Variants in SLC22A23 observed in about 807,000 individuals in gnomAD.
SLC22A23 encodes ion transporter protein.
A neutral mutation model predicts 61.0 loss-of-function variants in SLC22A23; 26 were observed. The observed-to-expected ratio is 0.43, with a 90% CI of 0.31 to 0.59. The LOEUF (loss-of-function observed/expected upper bound fraction) is 0.59. SLC22A23 is among the 20% of genes least tolerant of loss of function. The probability of loss-of-function intolerance (pLI) is 0.11; values close to 1 mark genes in which losing one functional copy is unlikely to be tolerated. For missense variants in SLC22A23, 796 were observed against 934.7 expected (o/e 0.85, Z 1.94); for synonymous variants, 430 against 413.9 (o/e 1.04, Z -0.47).
At chr6:3,451,275 C>T (rs1309766492) in intron 1 of SLC22A23, among the ~76,000 whole-genome samples, 2 of 152,284 alleles carry the variant, frequency 1.3e-5, no homozygotes, top group Non-Finnish European at 2.9e-5. Context: ...TCGCTCACTG[C>T]AACCTCTCAC....
chr6:3,313,629 A>G (rs1362476781), intron 4 of SLC22A23: 1 of 152,212 alleles, frequency 6.6e-6, no homozygotes, highest in Non-Finnish European at 1.5e-5. Flanking sequence ...CTTTTGGAAT[A>G]AAACTGGTTT....
intron 3 of SLC22A23, among the ~76,000 whole-genome samples, chr6:3,359,314 G>A (rs1004114381): frequency 2.6e-5 from 4 of 152,224 alleles, no homozygotes; most frequent in African/African-American, 7.2e-5. Context: ...GTGTTGCCAC[G>A]TTTATTCTTC....
chr6:3,332,852 C>G (rs575937061), intron 3 of SLC22A23, among the ~76,000 whole-genome samples: 11 of 152,236 alleles, frequency 7.2e-5, no homozygotes, highest in African/African-American at 2.4e-4. Context: ...CAGACTTCCC[C>G]CGACCCTCTT....
chr6:3,405,731 T>C (rs961770904), intron 3 of SLC22A23, among the ~76,000 whole-genome samples: 4 of 151,980 alleles, frequency 2.6e-5, no homozygotes, highest in Non-Finnish European at 2.9e-5. Context: ...TGTAAAAATA[T>C]ATGGGATAGT....
intron 3 of SLC22A23, among the ~76,000 whole-genome samples, chr6:3,388,760 G>A (rs1581798631): frequency 1.3e-5 from 2 of 152,220 alleles, no homozygotes; most frequent in Middle Eastern, 3.4e-3. Flanking sequence ...ATCTTGTCCC[G>A]AGCTGCAGTG....
Position 3,286,100 on chromosome 6 carries a change from ATTTT to A in SLC22A23, c.1546+755_1546+758del, listed in dbSNP as rs34898819. On this transcript the variant is annotated intron_variant, in intron 7 of 9. Transcript: ENST00000406686. This position sits in a 1 kb window ranked among gnomAD's most constrained non-coding sequence, Gnocchi z 4.2. The stretch of plus-strand genomic sequence containing the variant: ...GATGGACTCTCTAGCTTTGCCTTAG[ATTTT>A]TTTTTTTTTTTTGAGATGGAGTCTT... Among the ~76,000 whole-genome samples the A allele has an allele frequency of 5.6e-5, 8 of 142,016 alleles. No homozygotes were observed. The highest frequency in any genetic ancestry group is 1.3e-4 in the African/African-American group (5 of 38,868). The allele number at this position is 142,016 out of a possible 152,430, so 93.2% of individuals were successfully genotyped here.
intron 3 of SLC22A23, among the ~76,000 whole-genome samples, chr6:3,352,022 T>TG (rs1254784397): frequency 6.6e-6 from 1 of 152,120 alleles, no homozygotes; most frequent in Non-Finnish European, 1.5e-5. Flanking sequence ...GCTCCGTTTC[T>TG]GAAATGGGCG....
At position 3,399,639 on chromosome 6, in the gene SLC22A23, T is replaced by A. The variant is rs1768246347; in HGVS notation, c.913+10549A>T. 2.6e-5 allele frequency among the ~76,000 whole-genome samples: 4 copies of A among 152,190 alleles called. No individual in the cohort carries two copies. In the South Asian group the frequency reaches 8.3e-4, roughly 32 times the overall value. ...AATGTTTACAGGCGTTTTTAGGGAT[T>A]AATACAAGGAAGGGAAAGGGAGAGG... On this transcript the variant is annotated intron_variant, in intron 3 of 9. Coordinates refer to ENST00000406686, the MANE Select transcript of SLC22A23 (RefSeq NM_015482.2).
At chr6:3,278,742 C>T (rs544651277) in intron 9 of SLC22A23, among the ~76,000 whole-genome samples, 3 of 152,354 alleles carry the variant, frequency 2.0e-5, no homozygotes, top group East Asian at 3.9e-4. Context: ...TTAAGTCTTT[C>T]TGGTAGACCT....
At chr6:3,392,618 T>C (rs2127488736) in intron 3 of SLC22A23, among the ~76,000 whole-genome samples, 1 of 152,158 alleles carries the variant, frequency 6.6e-6, no homozygotes, top group African/African-American at 2.4e-5. Context: ...GACAGAGAAA[T>C]TGAGGGACTC....
At chr6:3,325,226 GCTCATCTGCTGGGTGT>G (rs143803336) in intron 3 of SLC22A23, among the ~76,000 whole-genome samples, 14,629 of 152,230 alleles carry the variant, frequency 0.096, 1,119 homozygotes, top group African/African-American at 0.2. Flanking sequence ...AGCTGTGACA[GCTCATCTGCTGGGTGT>G]CTAGAGACCA....
intron 4 of SLC22A23, among the ~76,000 whole-genome samples, chr6:3,306,745 TG>T (rs147413356): frequency 3.3e-5 from 5 of 151,928 alleles, no homozygotes; most frequent in Admixed American, 2.0e-4. Flanking sequence ...AAACCCCAGG[TG>T]GGGGGAGAGA....
At chr6:3,408,671 C>T (rs1381539490) in intron 3 of SLC22A23, among the ~76,000 whole-genome samples, 1 of 152,194 alleles carries the variant, frequency 6.6e-6, no homozygotes, top group Admixed American at 6.5e-5. Flanking sequence ...AACCAATACA[C>T]CATCTTTGCG....
rs1763679435 is a variant in SLC22A23 at position 3,333,322 on chromosome 6, C to T, written c.914-9320G>A. Among the ~76,000 whole-genome samples the T allele has an allele frequency of 6.6e-6, 1 of 152,184 alleles. No homozygotes were observed. Among genetic ancestry groups the T allele is most frequent in the African/African-American group, 2.4e-5 (1 of 41,434 alleles). The stretch of plus-strand genomic sequence containing the variant: ...AGAGGCAGCATCATAAAATCACAAT[C>T]ACTCTGGGTGATAGCTAATTTCACA... On this transcript the variant is annotated intron_variant, in intron 3 of 9. Coordinates refer to ENST00000406686, the MANE Select transcript of SLC22A23 (RefSeq NM_015482.2). This position sits in a 1 kb window ranked among gnomAD's most constrained non-coding sequence, Gnocchi z 4.1.
chr6:3,382,818 T>C (rs1374581526), intron 3 of SLC22A23, among the ~76,000 whole-genome samples: 2 of 152,210 alleles, frequency 1.3e-5, no homozygotes, highest in African/African-American at 4.8e-5. Flanking sequence ...TCTAGTATTA[T>C]AGCAAGGGAA....
In SLC22A23 at chr6:3,273,388, C is replaced by A. The variant is rs200938526; in HGVS notation, c.1728G>T (p.Leu576=). ...VIRCGGLGLV[L]ASAGFGMLTA... is the part of the protein sequence containing the mutation. ...TCAGCATGCCGAAGCCCGCGCTGGC[C>A]AGCACCAGCCCCAGCCCGCCACACC... The change falls in exon 10 of 10, where the codon CTG becomes CTT. Residue 576 remains leucine, a synonymous_variant. Coordinates refer to ENST00000406686, the MANE Select transcript of SLC22A23 (RefSeq NM_015482.2). The A allele has an allele frequency of 3.8e-5, 62 of 1,612,046 alleles. No individual in the cohort carries two copies. The highest frequency in any genetic ancestry group is 4.8e-5 in the Non-Finnish European group (57 of 1,179,816).
intron 1 of SLC22A23, 95 bp downstream of exon 1, chr6:3,455,811 C>T: frequency 1.4e-6 from 2 of 1,401,858 alleles, no homozygotes; most frequent in African/African-American, 1.4e-5. Context: ...ACTCTAGCAC[C>T]ACCACTTTGG....
intron 3 of SLC22A23, among the ~76,000 whole-genome samples, chr6:3,346,989 CACCAATA>C (rs1191141900): frequency 4.6e-5 from 7 of 152,150 alleles, no homozygotes; most frequent in Non-Finnish European, 1.0e-4. Context: ...TTAAGGGAAT[CACCAATA>C]ACCCAAACAC....
In SLC22A23 at chr6:3,360,787, G is replaced by T. The variant is rs1183297561; in HGVS notation, c.914-36785C>A. 6.6e-6 allele frequency among the ~76,000 whole-genome samples: 1 copy of T among 152,236 alleles called. No homozygotes were observed. The highest frequency in any genetic ancestry group is 1.9e-4 in the East Asian group (1 of 5,190). On this transcript the variant is annotated intron_variant, in intron 3 of 9. Transcript: ENST00000406686. The surrounding 1 kb of genome is among the most constrained non-coding windows in gnomAD (Gnocchi z 4.6). ...CACCCCCATGCAGACGGGCCCCTCT[G>T]ATGGAGACCTGCGTTCGGCCAGGCA...
Sources: gnomAD v4.1 joint callset for allele counts (sites outside exome capture counted in the v4.1 genomes callset) on GRCh38, gnomAD v4.1.1 for gene constraint, Gnocchi (gnomAD v3.1) non-coding constraint, MANE v1.5 for transcripts, NCBI Gene and HGNC (gene_info 2026-07-23, HGNC 2026-07-21) for gene names.